Variants in CPLANE1 observed in about 807,000 individuals in gnomAD.
CPLANE1 encodes the protein ciliogenesis and planar polarity effector 1.
In CPLANE1, 263 loss-of-function variants were observed where a neutral mutation model predicts 362.5. That is an observed-to-expected ratio of 0.73 (90% CI 0.66 to 0.80). The LOEUF is 0.80. Ranked by LOEUF, CPLANE1 falls within the 30% of genes least tolerant of loss-of-function variation. The pLI is 0.00. For synonymous variants in CPLANE1, 1,212 were observed against 1,302.6 expected (o/e 0.93, Z 1.50); for missense variants, 3,461 against 3,793.4 (o/e 0.91, Z 2.30).
At chr5:37,163,546 T>G (rs79314121) in intron 37 of CPLANE1, among the ~76,000 whole-genome samples, 1 of 152,258 alleles carries the variant, frequency 6.6e-6, no homozygotes, top group East Asian at 1.9e-4. Context: ...CCAGGAAGAC[T>G]AGGTAGAATA....
the CPLANE1 span, chr5:37,085,528 C>G: frequency 1.2e-6 from 1 of 808,792 alleles, no homozygotes. Flanking sequence ...GTAAATGATA[C>G]CATTCAGACT....
At chr5:37,132,337 GTTTTTTTTTT>G (rs70976278) in intron 46 of CPLANE1, among the ~76,000 whole-genome samples, 1 of 77,782 alleles carries the variant, frequency 1.3e-5, no homozygotes, top group East Asian at 3.8e-4. Flanking sequence ...GATTGTTCAA[GTTTTTTTTTT>G]TTTTTTTTTT....
chr5:37,142,970 G>C (rs1273544684), intron 43 of CPLANE1, among the ~76,000 whole-genome samples: 1 of 152,150 alleles, frequency 6.6e-6, no homozygotes, highest in East Asian at 1.9e-4. Context: ...ATAGGAAAAA[G>C]AAAATCTCTC....
intron 8 of CPLANE1, among the ~76,000 whole-genome samples, chr5:37,232,169 A>C (rs1797860128): frequency 6.6e-6 from 1 of 152,096 alleles, no homozygotes. Context: ...CCAAATCAAC[A>C]CTTATGTTAC....
At position 37,245,009 on chromosome 5, in the gene CPLANE1, G is replaced by A. The variant is rs1011957332; in HGVS notation, c.338-402C>T. ...TACTAAAAATACAAAAAAATTAGCC[G>A]GGCATGGTGGCTGGCGCCTGTAGTC... is the stretch of plus-strand genomic sequence containing the variant. On this transcript the variant is annotated intron_variant, in intron 4 of 52. Transcript: ENST00000651892. Among the ~76,000 whole-genome samples the A allele has an allele frequency of 3.9e-4, 59 of 151,926 alleles. 1 individual carries two copies. The highest frequency in any genetic ancestry group is 2.5e-4 in the Non-Finnish European group (17 of 67,922).
Position 37,195,894 on chromosome 5 carries a change from C to G in CPLANE1, c.3775G>C (p.Asp1259His). Residue 1259 changes from aspartate to histidine, a missense_variant, in exon 21 of 53, where the codon GAC becomes CAC. Asp to His is a moderately conservative substitution (Grantham distance 81). Coordinates refer to ENST00000651892, the MANE Select transcript of CPLANE1 (RefSeq NM_001384732.1). ...ATGGAAACTTCATCAAGCTTGTGGT[C>G]TCCAGCTGCTCCAGGTCTAAAAAAT... ...IAFFRPGAAGDHKLDEVSIRA... is the reference protein window; with the variant it reads ...IAFFRPGAAGHHKLDEVSIRA... The G allele has an allele frequency of 6.2e-7, 1 of 1,613,170 alleles. No homozygotes were observed. The highest frequency in any genetic ancestry group is 8.5e-7 in the Non-Finnish European group (1 of 1,179,674).
At position 37,245,525 on chromosome 5, in the gene CPLANE1, A is replaced by C; in HGVS notation, c.291T>G (p.Thr97=). Residue 97 remains threonine, a synonymous_variant, in exon 4 of 53, where the codon ACT becomes ACG. Coordinates refer to ENST00000651892, the MANE Select transcript of CPLANE1 (RefSeq NM_001384732.1). The part of the protein sequence containing the change: ...LWNKDQDCLK[T]IPITEKPKEM... ...CCTTAGGCTTTTCAGTTATTGGTATAGTTTTCAAACAATCTTGATCTTTGT... is the reference window on the plus strand; with the variant it reads ...CCTTAGGCTTTTCAGTTATTGGTATCGTTTTCAAACAATCTTGATCTTTGT... The C allele has an allele frequency of 6.6e-7, 1 of 1,503,914 alleles. No individual in the cohort carries two copies. The highest frequency in any genetic ancestry group is 8.9e-7 in the Non-Finnish European group (1 of 1,122,666). 93.2% of individuals were successfully genotyped at this position (1,503,914 alleles called of 1,614,324 possible).
At chr5:37,114,762 C>T (rs909190877) in intron 51 of CPLANE1, among the ~76,000 whole-genome samples, 198 bp downstream of exon 51, 5 of 151,928 alleles carry the variant, frequency 3.3e-5, no homozygotes, top group Middle Eastern at 3.4e-3. Flanking sequence ...TAACCGGGCG[C>T]GGTGGTGGGC....
intron 41 of CPLANE1, among the ~76,000 whole-genome samples, chr5:37,156,567 T>C (rs1233721947): frequency 6.6e-6 from 1 of 152,136 alleles, no homozygotes; most frequent in East Asian, 1.9e-4. Flanking sequence ...ATCACACCAC[T>C]GTACCCCAGC....
chr5:37,194,712 G>A (rs1480781106), intron 21 of CPLANE1, among the ~76,000 whole-genome samples: 6 of 150,210 alleles, frequency 4.0e-5, no homozygotes, highest in Non-Finnish European at 8.9e-5. Flanking sequence ...AGGCTGGAGT[G>A]CGGTGGCTAT....
At chr5:37,155,325 C>T (rs1017231432) in intron 41 of CPLANE1, among the ~76,000 whole-genome samples, 4 of 152,190 alleles carry the variant, frequency 2.6e-5, no homozygotes, top group Non-Finnish European at 5.9e-5. Context: ...TTTCTTTAAA[C>T]GAACAAACAA....
Position 37,226,420 on chromosome 5 carries a change from CAAT to C in CPLANE1, c.2172_2174del (p.Leu725del). 6.4e-7 allele frequency: 1 copy of C among 1,551,138 alleles called. No homozygotes were observed. The highest frequency in any genetic ancestry group is 1.7e-4 in the Middle Eastern group (1 of 5,986). ...GAAACATCTGAAAAATAGGTACCAC[CAAT>C]GAGTCTTGAGCTGTTATTTTACTTC... On this transcript the variant is annotated inframe_deletion, in exon 12 of 53. Coordinates refer to ENST00000651892, the MANE Select transcript of CPLANE1 (RefSeq NM_001384732.1).
In CPLANE1 at chr5:37,183,339, T is replaced by G. The variant is rs747922408; in HGVS notation, c.4842A>C (p.Arg1614Ser). 10 of 1,612,888 alleles carry G rather than the reference T, an allele frequency of 6.2e-6. No homozygotes were observed. The South Asian group carries it at 1.1e-4, about 18-fold the overall frequency. The change falls in exon 26 of 53, where the codon AGA (arginine) becomes AGC (serine). Residue 1614 changes from arginine to serine, a missense_variant. By Grantham distance (110) the Arg-to-Ser change is moderately radical. Around this residue, in one of 2 missense-constraint regions of CPLANE1, gnomAD observed 3,380 missense variants for 3,666.1 expected, o/e 0.92. Transcript: ENST00000651892. Reference sequence around the variant, plus strand: ...GAGCAACAACAAAGCAAGAACCAGCTCTAAACACATTCTGGCTTTTAGTTT... The same window carrying G: ...GAGCAACAACAAAGCAAGAACCAGCGCTAAACACATTCTGGCTTTTAGTTT... ...QSKTKSQNVF[R>S]AGSCFVVAPE...
intron 47 of CPLANE1, among the ~76,000 whole-genome samples, chr5:37,123,300 G>A (rs987594937): frequency 2.0e-5 from 3 of 152,162 alleles, no homozygotes; most frequent in Non-Finnish European, 4.4e-5. Context: ...ACACAATTAT[G>A]TATATAAAAA....
downstream of CPLANE1, among the ~76,000 whole-genome samples, chr5:37,102,352 T>A (rs1338237069): frequency 1.3e-5 from 2 of 152,078 alleles, no homozygotes; most frequent in Non-Finnish European, 2.9e-5. Flanking sequence ...CATGACCGGC[T>A]AATTTTTGTA....
intron 51 of CPLANE1, among the ~76,000 whole-genome samples, chr5:37,114,437 T>G (rs1049050114): frequency 6.6e-6 from 1 of 152,128 alleles, no homozygotes; most frequent in African/African-American, 2.4e-5. Context: ...GTGAGAAAAT[T>G]AAGAATACAT....
At chr5:37,164,380 T>G in intron 36 of CPLANE1, 53 bp from the exon 37 acceptor site, 1 of 1,410,706 alleles carries the variant, frequency 7.1e-7, no homozygotes, top group Non-Finnish European at 9.9e-7. Context: ...ATGTGTATTA[T>G]TTTTGAAAAA....
chr5:37,139,414 TG>T, intron 44 of CPLANE1, 44 bp from the exon 45 acceptor site: 1 of 1,139,740 alleles, frequency 8.8e-7, no homozygotes, highest in Admixed American at 3.6e-5. Flanking sequence ...GGTTTTTTTT[TG>T]CTTTCAATTG....
intron 6 of CPLANE1, 68 bp downstream of exon 6, chr5:37,242,945 C>T: frequency 9.3e-7 from 1 of 1,076,774 alleles, no homozygotes; most frequent in East Asian, 2.7e-5. Flanking sequence ...CTGGGTGACA[C>T]AGCAAGACCC....
Sources: gnomAD v4.1 joint callset for allele counts (sites outside exome capture counted in the v4.1 genomes callset) on GRCh38, gnomAD v4.1.1 for gene constraint, gnomAD v4.1.1 regional missense constraint, MANE v1.5 for transcripts, NCBI Gene and HGNC (gene_info 2026-07-23, HGNC 2026-07-21) for gene names.